The following FIGNL2 variants were observed in gnomAD, a reference collection of about 807,000 sequenced individuals.
FIGNL2 encodes the protein fidgetin-like protein 2.
For missense variants in FIGNL2, 1,060 were observed against 950.2 expected (o/e 1.12, Z -1.52); for synonymous variants, 565 against 484.0 (o/e 1.17, Z -2.20).
chr12:51,830,586 A>T (rs1378688576), intron 1 of FIGNL2, among the ~76,000 whole-genome samples: 1 of 141,892 alleles, frequency 7.0e-6, no homozygotes, highest in Non-Finnish European at 1.5e-5. Context: ...CCCCCTCCTG[A>T]GTTCAAGTGA....
intron 1 of FIGNL2, among the ~76,000 whole-genome samples, chr12:51,843,563 T>C (rs1332063676): frequency 2.1e-5 from 3 of 141,408 alleles, no homozygotes; most frequent in African/African-American, 7.8e-5. Flanking sequence ...AAAAAAAGAG[T>C]CAATGCAGCT....
Position 51,822,052 on chromosome 12 carries a change from C to T in FIGNL2, c.362G>A (p.Gly121Asp). 6.2e-7 allele frequency: 1 copy of T among 1,609,766 alleles called. No individual in the cohort carries two copies. The highest frequency in any genetic ancestry group is 8.5e-7 in the Non-Finnish European group (1 of 1,178,282). The change falls in exon 2 of 2, where the codon GGC becomes GAC. Residue 121 changes from glycine to aspartate, a missense_variant. Coordinates refer to ENST00000618634, the MANE Select transcript of FIGNL2 (RefSeq NM_001384995.1). ...CAGGGCCCCGGAACCGCCGCCACCG[C>T]CCGATTTGGTTCCTGGGAGGCCTTC... The part of the protein sequence containing the change: ...LHEGLPGTKS[G>D]GGGGSGALGG...
intron 1 of FIGNL2, among the ~76,000 whole-genome samples, chr12:51,842,579 A>G (rs959356196): frequency 3.9e-5 from 6 of 152,076 alleles, no homozygotes; most frequent in African/African-American, 1.4e-4. Context: ...AGGGTCAAAT[A>G]GGGCACTCGG....
At chr12:51,824,902 G>C (rs1052611790) in intron 1 of FIGNL2, among the ~76,000 whole-genome samples, 15 of 152,068 alleles carry the variant, frequency 9.9e-5, no homozygotes, top group Admixed American at 5.9e-4. Flanking sequence ...AAATTAGCCG[G>C]GCGTAGTGGC....
At chr12:51,822,514 C>T in intron 1 of FIGNL2, 90 bp from the exon 2 acceptor site, 3 of 1,486,204 alleles carry the variant, frequency 2.0e-6, no homozygotes, top group East Asian at 4.8e-5. Context: ...GCCTAGACTG[C>T]GGCTTGGACA....
chr12:51,832,563 A>G (rs981201821), intron 1 of FIGNL2, among the ~76,000 whole-genome samples: 2 of 151,608 alleles, frequency 1.3e-5, no homozygotes, highest in African/African-American at 4.9e-5. Flanking sequence ...CGTCCCCTCC[A>G]CAGCCTCTTT....
intron 1 of FIGNL2, among the ~76,000 whole-genome samples, chr12:51,827,477 C>T (rs1208147693): frequency 1.3e-5 from 2 of 152,190 alleles, no homozygotes; most frequent in African/African-American, 4.8e-5. Context: ...CTGTCTGCCT[C>T]AGCCTACCAA....
intron 1 of FIGNL2, among the ~76,000 whole-genome samples, chr12:51,833,523 C>T (rs996350748): frequency 4.6e-5 from 7 of 152,226 alleles, no homozygotes; most frequent in Non-Finnish European, 7.3e-5. Flanking sequence ...ATACAGGGTC[C>T]TCATGGTCGG....
chr12:51,835,805 CTTT>C (rs34284176), intron 1 of FIGNL2, among the ~76,000 whole-genome samples: 205 of 139,964 alleles, frequency 1.5e-3, no homozygotes, highest in South Asian at 6.0e-3. Context: ...ATCTAGACTT[CTTT>C]TTTTTTTTTT....
At chr12:51,843,544 CAAAA>C (rs5798189) in intron 1 of FIGNL2, among the ~76,000 whole-genome samples, 2 of 125,074 alleles carry the variant, frequency 1.6e-5, no homozygotes, top group African/African-American at 6.1e-5. Context: ...GAGACAATCT[CAAAA>C]AAAAAAAAAA....
intron 1 of FIGNL2, among the ~76,000 whole-genome samples, chr12:51,846,805 A>G (rs1939760442): frequency 6.6e-6 from 1 of 152,236 alleles, no homozygotes; most frequent in Non-Finnish European, 1.5e-5. Flanking sequence ...TGCCCCACAC[A>G]GCCTAATTCC....
intron 1 of FIGNL2, chr12:51,826,021 A>G (rs1192159417): frequency 1.3e-5 from 2 of 152,152 alleles, no homozygotes; most frequent in Admixed American, 1.3e-4. Context: ...TAGCCAGGGC[A>G]AAAAATGAAG....
In FIGNL2 at chr12:51,842,453, G is replaced by T. The variant is rs537613506; in HGVS notation, c.-12+6087C>A. Among the ~76,000 whole-genome samples the T allele has an allele frequency of 2.6e-5, 4 of 152,268 alleles. 1 individual carries two copies. The South Asian group carries it at 8.3e-4, about 32-fold the overall frequency. On this transcript the variant is annotated intron_variant, in intron 1 of 1. Coordinates refer to ENST00000618634, the MANE Select transcript of FIGNL2 (RefSeq NM_001384995.1). Reference sequence around the variant, plus strand: ...AGACAGGCTGGGTGGGGAGGGAGCCGCATGATATGAGGGCTGGGGAAGAGG... The same window carrying T: ...AGACAGGCTGGGTGGGGAGGGAGCCTCATGATATGAGGGCTGGGGAAGAGG...
chr12:51,822,518 T>A, intron 1 of FIGNL2, 94 bp from the exon 2 acceptor site: 1 of 1,468,348 alleles, frequency 6.8e-7, no homozygotes, highest in Non-Finnish European at 9.3e-7. Context: ...AGACTGCGGC[T>A]TGGACAGGCT....
At chr12:51,825,069 A>G (rs528763206) in intron 1 of FIGNL2, among the ~76,000 whole-genome samples, 1 of 152,066 alleles carries the variant, frequency 6.6e-6, no homozygotes, top group African/African-American at 2.4e-5. Context: ...AACAAAAGTT[A>G]CACAAATGCA....
At chr12:51,825,296 CCA>C (rs1939315040) in intron 1 of FIGNL2, among the ~76,000 whole-genome samples, 1 of 152,112 alleles carries the variant, frequency 6.6e-6, no homozygotes, top group Non-Finnish European at 1.5e-5. Context: ...CTGGACTTGT[CCA>C]CACACATCTT....
intron 1 of FIGNL2, chr12:51,847,608 C>G (rs1461508461): frequency 1.0e-6 from 1 of 985,242 alleles, no homozygotes; most frequent in Non-Finnish European, 1.2e-6. Context: ...CCGCTGGGCG[C>G]AGGGTCCAGG....
In FIGNL2 at chr12:51,819,749, TG is replaced by T. The variant is rs1462938376; in HGVS notation, c.*702del. ...AAACAAACAAAAAATTCCCCTTCTT[TG>T]GGGACTTTTTTTCCTTGATCCCCCT... On this transcript the variant is annotated 3_prime_UTR_variant, in exon 2 of 2. Transcript: ENST00000618634. The T allele has an allele frequency of 2.6e-5, 4 of 152,664 alleles. No homozygotes were observed. The highest frequency in any genetic ancestry group is 9.6e-5 in the African/African-American group (4 of 41,568). The allele number at this position is 152,664 out of a possible 1,614,324, so 9.5% of individuals were successfully genotyped here. A position where few individuals can be genotyped will look rare whatever the true frequency, so the allele number is the denominator to read the frequency against.
At position 51,822,205 on chromosome 12, in the gene FIGNL2, A is replaced by C. The variant is rs559078516; in HGVS notation, c.209T>G (p.Val70Gly). ...CGGACGCTCGTAGGGAGAATCCAAGACCCCAGAGTACTTCTCTGCATAGCG... is the reference window on the plus strand; with the variant it reads ...CGGACGCTCGTAGGGAGAATCCAAGCCCCCAGAGTACTTCTCTGCATAGCG... Reference protein sequence around the residue: ...LKRYAEKYSGVLDSPYERPAL... With the variant: ...LKRYAEKYSGGLDSPYERPAL... Residue 70 changes from valine to glycine, a missense_variant, in exon 2 of 2, where the codon GTC becomes GGC. Val to Gly is a moderately radical substitution (Grantham distance 109, BLOSUM62 -3). Transcript: ENST00000618634. 1.4e-4 allele frequency: 229 copies of C among 1,611,646 alleles called. 2 individuals carry two copies. The South Asian group carries it at 1.5e-3, about 11-fold the overall frequency.
Sources: allele counts gnomAD v4.1 joint callset (sites outside exome capture counted in the v4.1 genomes callset), GRCh38; gene constraint gnomAD v4.1.1; transcripts MANE v1.5; gene names NCBI Gene and HGNC (gene_info 2026-07-23, HGNC 2026-07-21).